EXOC6B: variants seen among roughly 807,000 people sequenced by gnomAD.
EXOC6B encodes the protein SEC15 homolog B.
Under a neutral mutation model 113.5 loss-of-function variants are expected in EXOC6B, and 54 were observed. The ratio of observed to expected loss-of-function variants is 0.48; its 90% CI spans 0.38 to 0.60. EXOC6B has a LOEUF of 0.60. Ranked by LOEUF, EXOC6B falls within the 20% of genes least tolerant of loss-of-function variation. The pLI, the probability that EXOC6B is intolerant of heterozygous loss-of-function variation, is 0.00. For missense variants in EXOC6B, 797 were observed against 977.5 expected, an observed-to-expected ratio of 0.82 and a Z score of 2.46; for synonymous variants, 357 against 339.0, an observed-to-expected ratio of 1.05 and a Z score of -0.58.
intron 1 of EXOC6B, among the ~76,000 whole-genome samples, chr2:72,800,095 T>A (rs1032064963): frequency 2.0e-5 from 3 of 151,916 alleles, no homozygotes. Context: ...GCATTAAAAA[T>A]TGCCAATATA....
intron 19 of EXOC6B, among the ~76,000 whole-genome samples, chr2:72,348,742 TATAAA>T (rs1422985431): frequency 1.3e-5 from 2 of 152,090 alleles, no homozygotes; most frequent in South Asian, 2.1e-4. Flanking sequence ...AAGTGTACAA[TATAAA>T]ATAAATGCTG....
At chr2:72,495,305 G>C (rs1245093262) in intron 15 of EXOC6B, 125 bp downstream of exon 15, 2 of 564,998 alleles carry the variant, frequency 3.5e-6, no homozygotes, top group Non-Finnish European at 6.3e-6. Context: ...GCCATGCAGT[G>C]AAAAGCTAAT....
chr2:72,357,042 C>A (rs1486662032), intron 19 of EXOC6B, among the ~76,000 whole-genome samples: 1 of 152,116 alleles, frequency 6.6e-6, no homozygotes, highest in East Asian at 1.9e-4. Context: ...TCACACCACT[C>A]AGAATGGTGC....
intron 19 of EXOC6B, among the ~76,000 whole-genome samples, chr2:72,371,297 C>T (rs1690998255): frequency 6.6e-6 from 1 of 152,154 alleles, no homozygotes; most frequent in Non-Finnish European, 1.5e-5. Context: ...CCTACTCAAA[C>T]TGTTCTGAAA....
intron 6 of EXOC6B, among the ~76,000 whole-genome samples, chr2:72,585,528 C>T (rs2103892798): frequency 6.6e-6 from 1 of 150,814 alleles, no homozygotes; most frequent in African/African-American, 2.4e-5. Context: ...ACCCAGGAGG[C>T]AGAGGGTGCA....
At chr2:72,286,738 A>G (rs1250960102) in intron 20 of EXOC6B, among the ~76,000 whole-genome samples, 1 of 152,114 alleles carries the variant, frequency 6.6e-6, no homozygotes, top group African/African-American at 2.4e-5. Context: ...ATGCATGTAG[A>G]GGGGGCAAGA....
chr2:72,461,118 A>T (rs183346117), intron 18 of EXOC6B, among the ~76,000 whole-genome samples: 85 of 150,992 alleles, frequency 5.6e-4, no homozygotes, highest in African/African-American at 1.9e-3. Context: ...ACAAAGAACC[A>T]AACACCGCAT....
At chr2:72,428,444 C>A (rs1695331720) in intron 18 of EXOC6B, among the ~76,000 whole-genome samples, 1 of 152,214 alleles carries the variant, frequency 6.6e-6, no homozygotes, top group East Asian at 1.9e-4. Flanking sequence ...CCAGTTGCAG[C>A]CTTGCAGAGA....
chr2:72,702,973 T>C (rs1443436409), intron 6 of EXOC6B, among the ~76,000 whole-genome samples: 29 of 151,892 alleles, frequency 1.9e-4, no homozygotes, highest in African/African-American at 6.0e-4. Flanking sequence ...TTGCCTTTGG[T>C]GTTTTAGACA....
At chr2:72,340,379 T>C (rs1420545063) in intron 19 of EXOC6B, among the ~76,000 whole-genome samples, 2 of 152,106 alleles carry the variant, frequency 1.3e-5, no homozygotes, top group Non-Finnish European at 2.9e-5. Flanking sequence ...CAAAGGAAGA[T>C]GAACAAGGAA....
At chr2:72,460,053 A>G (rs1163400214) in intron 18 of EXOC6B, among the ~76,000 whole-genome samples, 1 of 152,002 alleles carries the variant, frequency 6.6e-6, no homozygotes, top group East Asian at 1.9e-4. Flanking sequence ...ATAACGCTGC[A>G]TATCTACAAC....
chr2:72,179,088 T>C lies in EXOC6B; in HGVS notation c.*247A>G, dbSNP rs1677920135. ...GTGGAATTGATGATACCACCATCTC[T>C]AAGATAACACAGATAGTGTAGTAAT... On this transcript the variant is annotated 3_prime_UTR_variant, in exon 22 of 22. Coordinates refer to ENST00000272427, the MANE Select transcript of EXOC6B (RefSeq NM_015189.3). 1.2e-5 allele frequency: 5 copies of C among 433,858 alleles called. No homozygotes were observed. Among genetic ancestry groups the C allele is most frequent in the Non-Finnish European group, 2.0e-5 (5 of 248,494 alleles). The allele number at this position is 433,858 out of a possible 1,614,324, so 26.9% of individuals were successfully genotyped here. A position where few individuals can be genotyped will look rare whatever the true frequency, so the allele number is the denominator to read the frequency against.
intron 16 of EXOC6B, among the ~76,000 whole-genome samples, chr2:72,491,161 T>C (rs1376011413): frequency 6.6e-6 from 1 of 152,220 alleles, no homozygotes; most frequent in Non-Finnish European, 1.5e-5. Flanking sequence ...CTAATATTTC[T>C]GTACTAGGCA....
At chr2:72,187,301 C>T (rs1376795049) in intron 20 of EXOC6B, among the ~76,000 whole-genome samples, 2 of 152,040 alleles carry the variant, frequency 1.3e-5, no homozygotes, top group African/African-American at 2.4e-5. Context: ...TTCTCTCCTT[C>T]TCTTCACCCA....
intron 18 of EXOC6B, among the ~76,000 whole-genome samples, chr2:72,411,287 C>A: frequency 6.6e-6 from 1 of 151,602 alleles, no homozygotes; most frequent in South Asian, 2.1e-4. Flanking sequence ...ATCTGAGCTT[C>A]AAAAAAAAGG....
At chr2:72,672,225 A>AATCAAT (rs1046469929) in intron 6 of EXOC6B, among the ~76,000 whole-genome samples, 1 of 151,744 alleles carries the variant, frequency 6.6e-6, no homozygotes, top group Non-Finnish European at 1.5e-5. Context: ...AAAAAGATGA[A>AATCAAT]ATCAATATAT....
At chr2:72,539,617 G>A (rs906353387) in intron 8 of EXOC6B, among the ~76,000 whole-genome samples, 1 of 151,998 alleles carries the variant, frequency 6.6e-6, no homozygotes, top group Non-Finnish European at 1.5e-5. Flanking sequence ...TTAATCACCA[G>A]ATTCTCATTT....
chr2:72,568,357 A>G (rs1024119924), intron 7 of EXOC6B, among the ~76,000 whole-genome samples: 6 of 152,082 alleles, frequency 3.9e-5, no homozygotes, highest in African/African-American at 7.2e-5. Flanking sequence ...TTGTATATTA[A>G]GTGGCAGTGT....
chr2:72,577,716 A>G (rs1704962851), intron 6 of EXOC6B, among the ~76,000 whole-genome samples: 2 of 151,820 alleles, frequency 1.3e-5, no homozygotes, highest in South Asian at 4.1e-4. Context: ...GAAGTCCATG[A>G]AAATCAAAAA....
Sources: gnomAD v4.1 joint callset for allele counts (sites outside exome capture counted in the v4.1 genomes callset) on GRCh38, gnomAD v4.1.1 for gene constraint, MANE v1.5 for transcripts, NCBI Gene and HGNC (gene_info 2026-07-23, HGNC 2026-07-21) for gene names.